MGAT4C: variants seen among roughly 807,000 people sequenced by gnomAD.
MGAT4C encodes the protein alpha-1,3-mannosyl-glycoprotein 4-beta-N-acetylglucosaminyltransferase C.
MGAT4C carries 19 observed loss-of-function variants against 40.1 expected under a neutral mutation model. That is an observed-to-expected ratio of 0.47 (90% CI 0.33 to 0.70). MGAT4C has a LOEUF of 0.70. MGAT4C is among the 30% of genes least tolerant of loss of function. The pLI is 0.02. For synonymous variants in MGAT4C, 181 were observed against 187.1 expected (o/e 0.97, Z 0.27); for missense variants, 491 against 563.2 (o/e 0.87, Z 1.30).
chr12:86,114,713 T>G (rs994621218), intron 1 of MGAT4C, among the ~76,000 whole-genome samples: 3 of 151,918 alleles, frequency 2.0e-5, no homozygotes, highest in Non-Finnish European at 4.4e-5. Flanking sequence ...GCAAAATAAT[T>G]GATATTAGAT....
intron 2 of MGAT4C, among the ~76,000 whole-genome samples, chr12:86,566,197 G>C (rs1960092180): frequency 6.6e-6 from 1 of 152,034 alleles, no homozygotes; most frequent in Non-Finnish European, 1.5e-5. Context: ...AGTATTGATT[G>C]TGGGTGTGTC....
At chr12:86,066,470 C>T (rs1272606538) in intron 1 of MGAT4C, among the ~76,000 whole-genome samples, 1 of 152,096 alleles carries the variant, frequency 6.6e-6, no homozygotes, top group African/African-American at 2.4e-5. Context: ...AAAAGATCCC[C>T]TATTTAATAA....
chr12:86,153,224 A>G (rs544380381), intron 1 of MGAT4C, among the ~76,000 whole-genome samples: 9 of 152,150 alleles, frequency 5.9e-5, no homozygotes, highest in Admixed American at 2.6e-4. Flanking sequence ...TAATTCTCCT[A>G]CTCCTGGAGG....
intron 2 of MGAT4C, among the ~76,000 whole-genome samples, chr12:86,696,756 A>G (rs758715223): frequency 2.0e-5 from 3 of 152,196 alleles, no homozygotes; most frequent in Non-Finnish European, 4.4e-5. Flanking sequence ...AACACTGGTC[A>G]TGTGGCATTA....
Position 86,338,958 on chromosome 12 carries a change from C to CAAA in MGAT4C, c.-119-4834_-119-4832dup, listed in dbSNP as rs67462771. 8.6e-3 allele frequency among the ~76,000 whole-genome samples: 566 copies of CAAA among 65,722 alleles called. 12 individuals are homozygous for CAAA. The highest frequency in any genetic ancestry group is 0.011 in the East Asian group (24 of 2,138). 43.1% of individuals were successfully genotyped at this position (65,722 alleles called of 152,430 possible). On this transcript the variant is annotated intron_variant, in intron 3 of 7. Coordinates refer to the MGAT4C transcript ENST00000548651. ...TGGGTGACAGAGTGAGACTCCATCT[C>CAAA]AAAAAAAAAAAAAAAAAAAAAAAAC...
At chr12:86,673,388 G>A (rs531757359) in intron 2 of MGAT4C, among the ~76,000 whole-genome samples, 4 of 152,078 alleles carry the variant, frequency 2.6e-5, no homozygotes, top group African/African-American at 9.6e-5. Flanking sequence ...GAAAGCACCC[G>A]TATCATATAT....
chr12:86,019,705 T>C (rs1348289219), intron 2 of MGAT4C, among the ~76,000 whole-genome samples: 3 of 152,150 alleles, frequency 2.0e-5, no homozygotes, highest in African/African-American at 7.2e-5. Context: ...AACTTTAAAG[T>C]AGTTTTTTCC....
intron 1 of MGAT4C, among the ~76,000 whole-genome samples, chr12:86,245,492 T>C (rs1213556131): frequency 6.6e-6 from 1 of 152,248 alleles, no homozygotes; most frequent in Non-Finnish European, 1.5e-5. Context: ...TTTGGGTCTC[T>C]GTGCTTCTGT....
intron 1 of MGAT4C, among the ~76,000 whole-genome samples, chr12:86,821,145 T>C (rs1952698104): frequency 6.6e-6 from 1 of 150,924 alleles, no homozygotes; most frequent in South Asian, 2.1e-4. Flanking sequence ...TGAGTGTGTA[T>C]GTAATACATG....
chr12:86,359,977 T>A (rs969794711), intron 3 of MGAT4C, among the ~76,000 whole-genome samples: 1 of 152,174 alleles, frequency 6.6e-6, no homozygotes, highest in Non-Finnish European at 1.5e-5. Context: ...CTAACTCTTT[T>A]TATGAGGCCA....
intron 1 of MGAT4C, among the ~76,000 whole-genome samples, chr12:86,116,110 G>C (rs1348683691): frequency 6.6e-6 from 1 of 151,700 alleles, no homozygotes; most frequent in Non-Finnish European, 1.5e-5. Flanking sequence ...AGGCTGCTCT[G>C]GCCCAACTAT....
At chr12:86,604,454 A>G (rs1374281733) in intron 2 of MGAT4C, among the ~76,000 whole-genome samples, 2 of 152,072 alleles carry the variant, frequency 1.3e-5, no homozygotes, top group African/African-American at 4.8e-5. Flanking sequence ...GTATGCCAGA[A>G]GCTAAACCAA....
intron 3 of MGAT4C, among the ~76,000 whole-genome samples, chr12:86,374,345 T>C (rs1290844589): frequency 6.6e-6 from 1 of 152,140 alleles, no homozygotes; most frequent in Non-Finnish European, 1.5e-5. Flanking sequence ...TTTGTGACTG[T>C]ACCCAATGCA....
chr12:86,155,565 A>G (rs879434780), intron 1 of MGAT4C, among the ~76,000 whole-genome samples: 6 of 152,222 alleles, frequency 3.9e-5, no homozygotes, highest in Non-Finnish European at 7.3e-5. Context: ...CAGTACATGG[A>G]GAGATGGTGG....
chr12:86,234,435 C>T (rs971747447), intron 1 of MGAT4C, among the ~76,000 whole-genome samples: 1 of 152,142 alleles, frequency 6.6e-6, no homozygotes, highest in South Asian at 2.1e-4. Context: ...TTTGTATGCA[C>T]ACTTGAGAGA....
chr12:86,739,186 A>C (rs1024711104), intron 1 of MGAT4C, among the ~76,000 whole-genome samples: 1 of 148,296 alleles, frequency 6.7e-6, no homozygotes, highest in South Asian at 2.1e-4. Flanking sequence ...TTGAGACAAA[A>C]GCTTTTTGGA....
intron 1 of MGAT4C, among the ~76,000 whole-genome samples, chr12:86,218,072 G>A (rs1593264218): frequency 1.3e-5 from 2 of 151,114 alleles, no homozygotes; most frequent in East Asian, 3.9e-4. Context: ...AGCATTAGTC[G>A]GCTTTTTACA....
intron 2 of MGAT4C, among the ~76,000 whole-genome samples, chr12:86,694,453 A>T (rs1453052357): frequency 1.3e-5 from 2 of 152,194 alleles, no homozygotes; most frequent in Non-Finnish European, 2.9e-5. Flanking sequence ...AATATTTAGA[A>T]TGAGCTATTA....
chr12:86,003,260 G>A (rs999756390), intron 2 of MGAT4C, among the ~76,000 whole-genome samples: 6 of 152,016 alleles, frequency 3.9e-5, no homozygotes, highest in Middle Eastern at 3.2e-3. Context: ...TGTTTGTTTC[G>A]TAAAAACAGC....
Sources: gnomAD v4.1 joint callset for allele counts (sites outside exome capture counted in the v4.1 genomes callset) on GRCh38, gnomAD v4.1.1 for gene constraint, MANE v1.5 for transcripts, NCBI Gene and HGNC (gene_info 2026-07-23, HGNC 2026-07-21) for gene names.